Variants in FGF14 observed in about 807,000 individuals in gnomAD.
The protein encoded by FGF14 is fibroblast growth factor homologous factor 4.
FGF14 carries 5 observed loss-of-function variants against 25.5 expected under a neutral mutation model. The ratio of observed to expected loss-of-function variants is 0.20; its 90% confidence interval spans 0.10 to 0.41. FGF14 has a LOEUF of 0.41. Ranked by LOEUF, FGF14 falls within the 10% of genes least tolerant of loss-of-function variation. FGF14 has a pLI of 1.00. For synonymous variants in FGF14, 138 were observed against 118.3 expected, an observed-to-expected ratio of 1.17 and a Z score of -1.08; for missense variants, 222 against 320.1, an observed-to-expected ratio of 0.69 and a Z score of 2.34.
At chr13:102,161,594 A>AG (rs2047671900) in intron 1 of FGF14, among the ~76,000 whole-genome samples, 1 of 2,396 alleles carries the variant, frequency 4.2e-4, no homozygotes, top group Non-Finnish European at 6.3e-4. Context: ...AAGAAGAAGA[A>AG]GAAGAAGAAG....
chr13:101,955,060 A>G (rs979207175), intron 1 of FGF14, among the ~76,000 whole-genome samples: 1 of 152,232 alleles, frequency 6.6e-6, no homozygotes, highest in Admixed American at 6.5e-5. Flanking sequence ...TTATTTGAAC[A>G]AAGCTGCCAC....
intron 1 of FGF14, among the ~76,000 whole-genome samples, chr13:102,331,896 G>C (rs997453700): frequency 5.9e-5 from 9 of 152,150 alleles, no homozygotes; most frequent in African/African-American, 2.2e-4. Context: ...CTTCCACAGA[G>C]TAAATTCCCC....
chr13:102,060,923 G>T (rs999031891), intron 1 of FGF14, among the ~76,000 whole-genome samples: 2 of 152,230 alleles, frequency 1.3e-5, no homozygotes, highest in South Asian at 4.2e-4. Flanking sequence ...ATGTCAAGAA[G>T]AACACACCAG....
At chr13:101,992,729 A>G (rs940266379) in intron 1 of FGF14, among the ~76,000 whole-genome samples, 1 of 152,096 alleles carries the variant, frequency 6.6e-6, no homozygotes, top group African/African-American at 2.4e-5. Context: ...CAGAAAACTT[A>G]AAATGGCCAG....
At chr13:102,296,668 C>T (rs1011257124) in intron 1 of FGF14, among the ~76,000 whole-genome samples, 16 of 152,144 alleles carry the variant, frequency 1.1e-4, no homozygotes, top group Admixed American at 1.0e-3. Flanking sequence ...CCATAGTTCT[C>T]CATTTCTCCT....
intron 1 of FGF14, among the ~76,000 whole-genome samples, chr13:102,221,664 T>A (rs1167497742): frequency 2.0e-5 from 3 of 151,954 alleles, no homozygotes; most frequent in African/African-American, 7.3e-5. Context: ...AGTGAAAATG[T>A]GATCACAAGC....
intron 1 of FGF14, among the ~76,000 whole-genome samples, chr13:102,265,629 G>C (rs2052951312): frequency 6.6e-6 from 1 of 152,090 alleles, no homozygotes; most frequent in African/African-American, 2.4e-5. Context: ...TCACAAAATA[G>C]CCTTGTGAGG....
chr13:101,728,501 A>G (rs544546552), intron 3 of FGF14, among the ~76,000 whole-genome samples: 14 of 152,294 alleles, frequency 9.2e-5, no homozygotes, highest in African/African-American at 3.1e-4. Flanking sequence ...CCGAAAAAAA[A>G]GATTGATAAA....
At chr13:102,307,985 C>T (rs1325420003) in intron 1 of FGF14, among the ~76,000 whole-genome samples, 1 of 152,130 alleles carries the variant, frequency 6.6e-6, no homozygotes, top group East Asian at 1.9e-4. Flanking sequence ...CAAGGTGTCT[C>T]ACAATGAACA....
rs60522790 is a variant in FGF14, at chr13:101,932,533, C to CAAAA, written c.209-57241_209-57238dup. On this transcript the variant is annotated intron_variant, in intron 1 of 4. Coordinates refer to the FGF14 transcript ENST00000376131. Reference sequence around the variant, plus strand: ...GGGTGACATAAGTGAGACTCCATGTCAAAAAAAAAAAAAAAGGAAAAAAGA... The same window carrying CAAAA: ...GGGTGACATAAGTGAGACTCCATGTCAAAAAAAAAAAAAAAAAAAGGAAAAAAGA... Among the ~76,000 whole-genome samples the CAAAA allele has an allele frequency of 1.3e-4, 10 of 79,072 alleles. 1 individual carries two copies. The highest frequency in any genetic ancestry group is 2.8e-4 in the Admixed American group (2 of 7,100). The allele number at this position is 79,072 out of a possible 152,430, so 51.9% of individuals were successfully genotyped here.
At chr13:102,267,207 G>A (rs1470396206) in intron 1 of FGF14, among the ~76,000 whole-genome samples, 1 of 152,208 alleles carries the variant, frequency 6.6e-6, no homozygotes, top group South Asian at 2.1e-4. Context: ...TTATGTCCAT[G>A]AGGCAGATGA....
chr13:102,345,204 A>G (rs2057069478), intron 1 of FGF14, among the ~76,000 whole-genome samples: 1 of 152,178 alleles, frequency 6.6e-6, no homozygotes, highest in Admixed American at 6.5e-5. Context: ...GGATTTGGAG[A>G]ACATAACCAC....
At chr13:102,031,755 T>C (rs916379505) in intron 1 of FGF14, among the ~76,000 whole-genome samples, 5 of 152,076 alleles carry the variant, frequency 3.3e-5, no homozygotes, top group Non-Finnish European at 7.4e-5. Flanking sequence ...CTAAGACCTT[T>C]AGAAATGTAT....
At chr13:101,735,983 G>C (rs2036159237) in intron 3 of FGF14, among the ~76,000 whole-genome samples, 1 of 152,144 alleles carries the variant, frequency 6.6e-6, no homozygotes, top group Non-Finnish European at 1.5e-5. Flanking sequence ...GATTATCTGA[G>C]TAAATAATGT....
intron 1 of FGF14, among the ~76,000 whole-genome samples, chr13:102,148,606 C>T (rs75612760): frequency 0.055 from 8,437 of 152,126 alleles, 275 homozygotes; most frequent in Middle Eastern, 0.17. Context: ...CTCAGTAGCT[C>T]GCGACCAGCC....
At chr13:102,235,340 TC>T (rs1280993042) in intron 1 of FGF14, among the ~76,000 whole-genome samples, 1 of 152,204 alleles carries the variant, frequency 6.6e-6, no homozygotes, top group Admixed American at 6.5e-5. Flanking sequence ...AGATCTAATA[TC>T]CACTTAGCTG....
chr13:102,017,646 AC>A (rs764603224), intron 1 of FGF14, among the ~76,000 whole-genome samples: 4 of 152,118 alleles, frequency 2.6e-5, no homozygotes, highest in Non-Finnish European at 4.4e-5. Flanking sequence ...CAATCTCAAG[AC>A]TTGAAACTTT....
chr13:101,901,225 A>G (rs902983320), intron 1 of FGF14, among the ~76,000 whole-genome samples: 7 of 152,168 alleles, frequency 4.6e-5, no homozygotes, highest in African/African-American at 1.7e-4. Flanking sequence ...TGGAATTCCT[A>G]TTATTGAAAT....
intron 1 of FGF14, among the ~76,000 whole-genome samples, chr13:102,157,166 T>A (rs1594191791): frequency 2.0e-5 from 3 of 152,180 alleles, no homozygotes; most frequent in Admixed American, 2.0e-4. Context: ...ACTTTAAAGT[T>A]CATATGGAAC....
Sources: allele counts gnomAD v4.1 joint callset (sites outside exome capture counted in the v4.1 genomes callset), GRCh38; gene constraint gnomAD v4.1.1; transcripts MANE v1.5; gene names NCBI Gene and HGNC (gene_info 2026-07-23, HGNC 2026-07-21).